Variants in ATG13 observed in about 807,000 individuals in gnomAD.
The protein encoded by ATG13 is autophagy-related protein 13.
In ATG13, 23 loss-of-function variants were observed where a neutral mutation model predicts 65.5. The observed-to-expected ratio is 0.35, with a 90% CI of 0.25 to 0.50. The LOEUF is 0.50. Among genes scored for constraint, ATG13 ranks in the 20% least tolerant of loss-of-function variants. ATG13 has a pLI of 0.98. For missense variants in ATG13, 566 were observed against 677.0 expected, an observed-to-expected ratio of 0.84 and a Z score of 1.82; for synonymous variants, 252 against 245.2, an observed-to-expected ratio of 1.03 and a Z score of -0.26.
chr11:46,656,523 AT>A lies in ATG13; in HGVS notation c.499+254del, dbSNP rs1445572985. 3.8e-4 allele frequency: 129 copies of A among 342,492 alleles called. 3 individuals are homozygous for A. In the Admixed American group the frequency reaches 5.7e-3, roughly 15 times the overall value. The allele number at this position is 342,492 out of a possible 1,614,324, so 21.2% of individuals were successfully genotyped here. ...CTTTATAAAACTGTATATTTTCCTAATTTTCTACAGTGAGGATGTTAAATGT... is the reference window on the plus strand; with the variant it reads ...CTTTATAAAACTGTATATTTTCCTAATTTCTACAGTGAGGATGTTAAATGT... On this transcript the variant is annotated intron_variant, in intron 8 of 18. Coordinates refer to ENST00000683050, the MANE Select transcript of ATG13 (RefSeq NM_001346311.2).
chr11:46,622,336 C>T (rs1405528643), intron 1 of ATG13, among the ~76,000 whole-genome samples: 1 of 151,686 alleles, frequency 6.6e-6, no homozygotes, highest in African/African-American at 2.4e-5. Context: ...CCAAGATGGT[C>T]TCGATCTCCT....
rs576541681 is a variant in ATG13, at chr11:46,668,304, G to A, written c.1252-195G>A. 2.0e-5 allele frequency among the ~76,000 whole-genome samples: 3 copies of A among 152,316 alleles called. No individual in the cohort carries two copies. In the South Asian group the frequency reaches 6.2e-4, roughly 32 times the overall value. ...CCTCAGGACCCCAACCCTTGTTTAT[G>A]CTGTGGGTGTATGTGATGGGGGACA... On this transcript the variant is annotated intron_variant, in intron 15 of 18. Coordinates refer to ENST00000683050, the MANE Select transcript of ATG13 (RefSeq NM_001346311.2).
At chr11:46,638,552 C>T (rs1171213569) in intron 2 of ATG13, 2 of 152,214 alleles carry the variant, frequency 1.3e-5, no homozygotes, top group Non-Finnish European at 2.9e-5. Context: ...CTAACTGTGG[C>T]CTTGTACCTG....
intron 14 of ATG13, among the ~76,000 whole-genome samples, chr11:46,665,937 T>TGGGATTAC (rs1439020779): frequency 6.6e-6 from 1 of 151,648 alleles, no homozygotes; most frequent in East Asian, 1.9e-4. Flanking sequence ...CCTGAGTAGT[T>TGGGATTAC]GGGATTACGG....
intron 6 of ATG13, 92 bp downstream of exon 6, chr11:46,649,275 G>A: frequency 2.8e-6 from 4 of 1,440,782 alleles, no homozygotes; most frequent in African/African-American, 1.4e-5. Flanking sequence ...TTCAGAGTCA[G>A]GGAGGGCATT....
chr11:46,652,132 C>T (rs940540735), intron 7 of ATG13, among the ~76,000 whole-genome samples: 3 of 152,100 alleles, frequency 2.0e-5, no homozygotes, highest in African/African-American at 7.2e-5. Context: ...CCTGTAATCC[C>T]AGCTACTCGG....
rs1022378013 is a variant in ATG13, at chr11:46,652,559, G to A, written c.458+2242G>A. On this transcript the variant is annotated intron_variant, in intron 7 of 18. Coordinates refer to ENST00000683050, the MANE Select transcript of ATG13 (RefSeq NM_001346311.2). ...GTGATACCTTGTCTCTACTAAAAAT[G>A]TAAAAAATTAGCCAGGTGTGGTGGT... Among the ~76,000 whole-genome samples, 3 of 152,016 alleles carry A rather than the reference G, an allele frequency of 2.0e-5. No individual in the cohort carries two copies. In the East Asian group the frequency reaches 5.8e-4, roughly 30 times the overall value.
chr11:46,624,386 C>A (rs1008276405), intron 1 of ATG13, among the ~76,000 whole-genome samples: 3 of 152,088 alleles, frequency 2.0e-5, no homozygotes, highest in Admixed American at 2.0e-4. Flanking sequence ...TCAGTACTGT[C>A]CTTCACAGAA....
chr11:46,628,938 CTTTT>C (rs10714909), intron 1 of ATG13, among the ~76,000 whole-genome samples: 1 of 137,862 alleles, frequency 7.3e-6, no homozygotes, highest in African/African-American at 2.8e-5. Flanking sequence ...GATCTGTTTT[CTTTT>C]TTTTTTTTTT....
chr11:46,669,027 A>AGGG, intron 17 of ATG13, 117 bp downstream of exon 17: 1 of 872,584 alleles, frequency 1.1e-6, no homozygotes, highest in South Asian at 1.6e-5. Context: ...TGTAGACAGA[A>AGGG]GGGATGGACA....
rs1565653489 is a variant in ATG13 at position 46,672,886 on chromosome 11, C to G, written c.*554C>G. ...CTTCTTCTCTCTCTTGCCTCTATGC[C>G]TGTATTTCTGGCAATATGACAGGCC... is the stretch of plus-strand genomic sequence containing the variant. On this transcript the variant is annotated 3_prime_UTR_variant, in exon 19 of 19. Transcript: ENST00000683050. The G allele has an allele frequency of 9.5e-7, 1 of 1,053,950 alleles. No homozygotes were observed. The highest frequency in any genetic ancestry group is 6.2e-5 in the East Asian group (1 of 16,180). The allele number at this position is 1,053,950 out of a possible 1,614,324, so 65.3% of individuals were successfully genotyped here.
intron 14 of ATG13, among the ~76,000 whole-genome samples, chr11:46,667,553 A>G (rs2062637744): frequency 6.6e-6 from 1 of 152,296 alleles, no homozygotes; most frequent in South Asian, 2.1e-4. Flanking sequence ...GAAAAGCTAG[A>G]AATTTTAGTA....
At chr11:46,658,570 T>C (rs1488180624) in intron 10 of ATG13, among the ~76,000 whole-genome samples, 1 of 151,614 alleles carries the variant, frequency 6.6e-6, no homozygotes, top group Non-Finnish European at 1.5e-5. Context: ...ATTTTCACTC[T>C]TGTTGTCCAG....
intron 2 of ATG13, among the ~76,000 whole-genome samples, chr11:46,635,912 G>A (rs2053773892): frequency 6.6e-6 from 1 of 152,056 alleles, no homozygotes; most frequent in South Asian, 2.1e-4. Flanking sequence ...GTAAGATAAG[G>A]GCAGTATAAT....
chr11:46,645,429 T>C lies in ATG13; in HGVS notation c.150+10T>C. The C allele has an allele frequency of 1.2e-6, 2 of 1,608,524 alleles. No homozygotes were observed. The highest frequency in any genetic ancestry group is 2.2e-5 in the South Asian group (2 of 90,844). ...AACGGGTTCAGATTGGGTAAAATTCTATTATTTACTAAGGTGTATACTGTA... is the reference window on the plus strand; with the variant it reads ...AACGGGTTCAGATTGGGTAAAATTCCATTATTTACTAAGGTGTATACTGTA... On this transcript the variant is annotated intron_variant, in intron 4 of 18. Coordinates refer to ENST00000683050, the MANE Select transcript of ATG13 (RefSeq NM_001346311.2).
chr11:46,655,784 C>T (rs935869377), intron 7 of ATG13, among the ~76,000 whole-genome samples: 2 of 152,198 alleles, frequency 1.3e-5, no homozygotes, highest in Admixed American at 1.3e-4. Flanking sequence ...TTTGCCCAGG[C>T]TGGAATGCAA....
intron 7 of ATG13, among the ~76,000 whole-genome samples, chr11:46,655,175 G>A (rs1246572855): frequency 3.9e-5 from 6 of 152,048 alleles, no homozygotes; most frequent in Admixed American, 1.3e-4. Context: ...TGAGACGGGC[G>A]GATCACGAGA....
intron 14 of ATG13, 133 bp from the exon 15 acceptor site, chr11:46,667,640 A>G (rs189586173): frequency 6.2e-5 from 34 of 551,734 alleles, no homozygotes; most frequent in East Asian, 4.3e-4. Flanking sequence ...ACATAATGCC[A>G]TCTCCCATTG....
chr11:46,659,142 T>C (rs1168065021), intron 10 of ATG13, among the ~76,000 whole-genome samples: 3 of 152,188 alleles, frequency 2.0e-5, no homozygotes, highest in Admixed American at 1.3e-4. Flanking sequence ...GCCACAGCAC[T>C]CTAGCCTGGG....
Sources: allele counts gnomAD v4.1 joint callset (sites outside exome capture counted in the v4.1 genomes callset), GRCh38; gene constraint gnomAD v4.1.1; transcripts MANE v1.5; gene names NCBI Gene and HGNC (gene_info 2026-07-23, HGNC 2026-07-21).